NEK6: variants seen among roughly 807,000 people sequenced by gnomAD.
The protein encoded by NEK6 is NIMA related kinase 6.
In NEK6, 27 loss-of-function variants were observed where a neutral mutation model predicts 43.5. The ratio of observed to expected loss-of-function variants is 0.62; its 90% CI spans 0.46 to 0.86. The LOEUF is 0.86. Among genes scored for constraint, NEK6 ranks in the 40% least tolerant of loss-of-function variants. NEK6 has a pLI of 0.00. For missense variants in NEK6, 318 were observed against 414.4 expected, an observed-to-expected ratio of 0.77 and a Z score of 2.02; for synonymous variants, 167 against 164.1, an observed-to-expected ratio of 1.02 and a Z score of -0.14.
Position 124,353,177 on chromosome 9 carries a change from G to C in NEK6, c.*2230G>C, listed in dbSNP as rs1282451991. ...CTACTTGGCTGCTGAGGTGGAGGGT[G>C]TGCTGCACTTATCACCCCATTTCAA... On this transcript the variant is annotated 3_prime_UTR_variant, in exon 10 of 10. Coordinates refer to ENST00000320246, the MANE Select transcript of NEK6 (RefSeq NM_014397.6). 1 of 190,480 alleles carries C rather than the reference G, an allele frequency of 5.2e-6. No individual in the cohort carries two copies. Among genetic ancestry groups the C allele is most frequent in the Admixed American group, 5.8e-5 (1 of 17,096 alleles). 11.8% of individuals were successfully genotyped at this position (190,480 alleles called of 1,614,324 possible).
chr9:124,345,412 G>T (rs970412511), intron 8 of NEK6, among the ~76,000 whole-genome samples: 1 of 152,224 alleles, frequency 6.6e-6, no homozygotes, highest in Non-Finnish European at 1.5e-5. Context: ...GGGGAAGGCC[G>T]AGAGGGGTCC....
intron 1 of NEK6, 190 bp downstream of exon 1, chr9:124,258,275 G>T: frequency 1.0e-6 from 1 of 984,868 alleles, no homozygotes; most frequent in Non-Finnish European, 1.2e-6. Context: ...CCGGGCGGGC[G>T]GGGGCGGCGT....
intron 1 of NEK6, among the ~76,000 whole-genome samples, chr9:124,261,876 T>G (rs998631761): frequency 3.3e-5 from 5 of 152,250 alleles, no homozygotes; most frequent in African/African-American, 1.2e-4. Flanking sequence ...TCAGCCACAT[T>G]TCTGGCATTG....
rs1834371462 is a variant in NEK6 at position 124,326,960 on chromosome 9, A to G, written c.515-378A>G. Among the ~76,000 whole-genome samples, 2 of 152,112 alleles carry G rather than the reference A, an allele frequency of 1.3e-5. No individual in the cohort carries two copies. The highest frequency in any genetic ancestry group is 4.8e-5 in the African/African-American group (2 of 41,414). On this transcript the variant is annotated intron_variant, in intron 6 of 9. Coordinates refer to ENST00000320246, the MANE Select transcript of NEK6 (RefSeq NM_014397.6). This position sits in a 1 kb window ranked among gnomAD's most constrained non-coding sequence, Gnocchi z 4.5. The stretch of plus-strand genomic sequence containing the variant: ...GGAGGCCCCGCCCTCACTGGGGGGT[A>G]CGGCACTGGGTGCTCCACTGAGCAC...
chr9:124,340,252 G>A (rs1253033427), intron 8 of NEK6, among the ~76,000 whole-genome samples: 3 of 152,216 alleles, frequency 2.0e-5, no homozygotes, highest in African/African-American at 7.2e-5. Context: ...GAGCCCAGAC[G>A]TGAGACAATA....
In NEK6 at chr9:124,298,114, C is replaced by T. The variant is rs80311877; in HGVS notation, c.-29-3822C>T. On this transcript the variant is annotated intron_variant, in intron 1 of 9. Transcript: ENST00000320246. ...GCATCGAGCCTCTTCCTCTGAGCCT[C>T]GGTTTCCCCATCTATAAAATGGGTC... is the stretch of plus-strand genomic sequence containing the variant. Among the ~76,000 whole-genome samples the T allele has an allele frequency of 2.1e-3, 325 of 152,320 alleles. 2 individuals carry two copies. The highest frequency in any genetic ancestry group is 7.4e-3 in the African/African-American group (307 of 41,580).
At chr9:124,257,923 G>GCGCGCGGGCGCGCGGGCC (rs1830868250), upstream of NEK6, 1 of 969,230 alleles carries the variant, frequency 1.0e-6, no homozygotes, top group African/African-American at 1.8e-5. Context: ...GGAGGGGCGG[G>GCGCGCGGGCGCGCGGGCC]CGCGCGGGCG....
chr9:124,278,718 A>G (rs571156552), intron 1 of NEK6, among the ~76,000 whole-genome samples: 4 of 152,190 alleles, frequency 2.6e-5, no homozygotes, highest in Admixed American at 1.3e-4. Flanking sequence ...GACTTCATGT[A>G]TGTTGGTTGA....
chr9:124,301,913 C>T (rs1479302147), intron 1 of NEK6, 23 bp from the exon 2 acceptor site: 4 of 1,540,536 alleles, frequency 2.6e-6, no homozygotes. Flanking sequence ...AGAAAGTGAA[C>T]AGGCCGCTGT....
chr9:124,325,940 T>G (rs1403042825), intron 5 of NEK6, among the ~76,000 whole-genome samples: 2 of 151,950 alleles, frequency 1.3e-5, no homozygotes, highest in African/African-American at 4.8e-5. Context: ...ACAGGGAGAG[T>G]CCACACCCAT....
intron 7 of NEK6, among the ~76,000 whole-genome samples, chr9:124,330,428 G>C (rs531743676): frequency 6.6e-6 from 1 of 152,228 alleles, no homozygotes; most frequent in East Asian, 1.9e-4. Flanking sequence ...CTGGGAGAGC[G>C]GGCGGGCAGG....
intron 7 of NEK6, among the ~76,000 whole-genome samples, chr9:124,334,299 G>A (rs1829178720): frequency 2.0e-5 from 3 of 152,178 alleles, no homozygotes; most frequent in Non-Finnish European, 2.9e-5. Context: ...ATGGATGGAC[G>A]ATAGACAATT....
At chr9:124,309,574 T>C (rs1276388972) in intron 2 of NEK6, among the ~76,000 whole-genome samples, 2 of 152,226 alleles carry the variant, frequency 1.3e-5, no homozygotes, top group Non-Finnish European at 2.9e-5. Context: ...CAGGGAGTTC[T>C]AGCCTGTTTC....
At chr9:124,340,388 T>C (rs1395667817) in intron 8 of NEK6, among the ~76,000 whole-genome samples, 1 of 152,176 alleles carries the variant, frequency 6.6e-6, no homozygotes, top group African/African-American at 2.4e-5. Context: ...GAGGGAGGCC[T>C]AAGTTCTCCG....
rs1834342456 is a variant in NEK6 at position 124,326,446 on chromosome 9, C to G, written c.514+8C>G. The G allele has an allele frequency of 1.3e-6, 2 of 1,599,268 alleles. No individual in the cohort carries two copies. The highest frequency in any genetic ancestry group is 2.2e-5 in the South Asian group (2 of 90,604). ...GCCGGGTGATGCACCGAGGTACGTG[C>G]CACCCGCCAGGAGCCGCCCGGAGCC... On this transcript the variant is annotated splice_region_variant and intron_variant, in intron 6 of 9. Coordinates refer to ENST00000320246, the MANE Select transcript of NEK6 (RefSeq NM_014397.6). The surrounding 1 kb of genome is among the most constrained non-coding windows in gnomAD (Gnocchi z 4.5).
intron 4 of NEK6, among the ~76,000 whole-genome samples, chr9:124,314,530 G>C (rs1042935651): frequency 5.3e-5 from 8 of 151,502 alleles, no homozygotes; most frequent in African/African-American, 1.7e-4. Context: ...AAACTCTGTT[G>C]CCTGGACTGT....
chr9:124,344,891 C>T (rs1489804016), intron 8 of NEK6, among the ~76,000 whole-genome samples: 5 of 152,208 alleles, frequency 3.3e-5, no homozygotes, highest in South Asian at 2.1e-4. Context: ...GAGGCCTGGA[C>T]GCCCCTCCGT....
intron 1 of NEK6, among the ~76,000 whole-genome samples, chr9:124,284,540 C>T (rs775027638): frequency 1.8e-4 from 27 of 152,308 alleles, no homozygotes; most frequent in Middle Eastern, 6.8e-3. Flanking sequence ...AGCAAAGCTC[C>T]GGGGATTTTC....
At chr9:124,348,898 A>G (rs1251285597) in intron 9 of NEK6, among the ~76,000 whole-genome samples, 2 of 152,264 alleles carry the variant, frequency 1.3e-5, no homozygotes, top group African/African-American at 4.8e-5. Flanking sequence ...CAAGTTAAAA[A>G]GACCGGTGAG....
Sources: allele counts gnomAD v4.1 joint callset (sites outside exome capture counted in the v4.1 genomes callset), GRCh38; gene constraint gnomAD v4.1.1; non-coding constraint Gnocchi (gnomAD v3.1); transcripts MANE v1.5; gene names NCBI Gene and HGNC (gene_info 2026-07-23, HGNC 2026-07-21).